Variants in THRB observed in about 807,000 individuals in gnomAD.
THRB encodes nuclear receptor subfamily 1 group A member 2.
A neutral mutation model predicts 47.8 loss-of-function variants in THRB; 12 were observed. That is an observed-to-expected ratio of 0.25 (90% CI 0.16 to 0.41). The LOEUF (loss-of-function observed/expected upper bound fraction) is 0.41. Among genes scored for constraint, THRB ranks in the 10% least tolerant of loss-of-function variants. The pLI is 1.00. For synonymous variants in THRB, 218 were observed against 212.2 expected, an observed-to-expected ratio of 1.03 and a Z score of -0.24; for missense variants, 348 against 589.2, an observed-to-expected ratio of 0.59 and a Z score of 4.24.
chr3:24,201,053 C>T (rs41435146), intron 4 of THRB, among the ~76,000 whole-genome samples: 5,494 of 152,030 alleles, frequency 0.036, 298 homozygotes, highest in African/African-American at 0.12. Context: ...TTGTCTTCTA[C>T]GTGCCTGTCT....
chr3:24,429,469 A>G (rs1235132858), intron 1 of THRB, among the ~76,000 whole-genome samples: 1 of 152,040 alleles, frequency 6.6e-6, no homozygotes, highest in African/African-American at 2.4e-5. Flanking sequence ...AATGAATTGG[A>G]CAATAGTTAA....
At chr3:24,284,975 C>G (rs1437078754) in intron 3 of THRB, among the ~76,000 whole-genome samples, 1 of 152,116 alleles carries the variant, frequency 6.6e-6, no homozygotes, top group African/African-American at 2.4e-5. Flanking sequence ...CACTTTTACA[C>G]TGTTAGTGGG....
chr3:24,430,028 C>T (rs1336133225), intron 1 of THRB: 1 of 151,922 alleles, frequency 6.6e-6, no homozygotes, highest in Non-Finnish European at 1.5e-5. Context: ...CTCTTCACTC[C>T]CATTATTCAC....
intron 1 of THRB, among the ~76,000 whole-genome samples, chr3:24,361,385 T>C (rs1281198709): frequency 1.3e-5 from 2 of 152,032 alleles, no homozygotes; most frequent in Admixed American, 1.3e-4. Flanking sequence ...CAGCCCAAAA[T>C]AGAGATTGTG....
chr3:24,400,190 A>T (rs1243068350), intron 1 of THRB, among the ~76,000 whole-genome samples: 2 of 152,082 alleles, frequency 1.3e-5, no homozygotes, highest in African/African-American at 4.8e-5. Context: ...AAATATTTAA[A>T]ATAATTCCAA....
intron 1 of THRB, among the ~76,000 whole-genome samples, chr3:24,387,207 T>C (rs1015085763): frequency 3.9e-5 from 6 of 152,248 alleles, no homozygotes; most frequent in African/African-American, 1.4e-4. Context: ...GTGATGGTTG[T>C]CTACCCAGTG....
intron 1 of THRB, among the ~76,000 whole-genome samples, chr3:24,454,153 C>G (rs960521458): frequency 8.6e-5 from 13 of 152,034 alleles, no homozygotes; most frequent in African/African-American, 3.1e-4. Flanking sequence ...GGCAAAGGAT[C>G]TGGAATATTA....
At chr3:24,481,469 G>A (rs1389525281) in intron 1 of THRB, among the ~76,000 whole-genome samples, 1 of 151,900 alleles carries the variant, frequency 6.6e-6, no homozygotes, top group Admixed American at 6.6e-5. Context: ...GTACCTGCTG[G>A]GCTTGCCTTC....
intron 1 of THRB, among the ~76,000 whole-genome samples, chr3:24,486,236 C>G (rs1697271910): frequency 6.6e-6 from 1 of 152,202 alleles, no homozygotes; most frequent in African/African-American, 2.4e-5. Context: ...CCGCAAATGC[C>G]ATAGCGTAGA....
Position 24,208,213 on chromosome 3 carries a change from G to C in THRB, c.23-17879C>G, listed in dbSNP as rs569913333. Among the ~76,000 whole-genome samples, 415 of 152,000 alleles carry C rather than the reference G, an allele frequency of 2.7e-3. 1 individual carries two copies. The highest frequency in any genetic ancestry group is 9.4e-3 in the African/African-American group (391 of 41,482). ...AAAAAAAAAGAGGACACAAACAAAT[G>C]GAAGAACATTCCATGCTCATGGGTA... On this transcript the variant is annotated intron_variant, in intron 4 of 10. Transcript: ENST00000646209.
chr3:24,293,226 G>C (rs1422785949), intron 3 of THRB, among the ~76,000 whole-genome samples: 1 of 152,186 alleles, frequency 6.6e-6, no homozygotes, highest in Non-Finnish European at 1.5e-5. Flanking sequence ...GTTGAGACGT[G>C]TTGATCATTA....
intron 5 of THRB, among the ~76,000 whole-genome samples, chr3:24,164,709 G>A (rs1444548043): frequency 6.6e-6 from 1 of 152,032 alleles, no homozygotes; most frequent in South Asian, 2.1e-4. Context: ...ACACCTACCC[G>A]CCAGAAGGAA....
chr3:24,138,091 C>G (rs1415168472), intron 8 of THRB, among the ~76,000 whole-genome samples: 1 of 152,050 alleles, frequency 6.6e-6, no homozygotes, highest in African/African-American at 2.4e-5. Flanking sequence ...AACTGGCTTT[C>G]TGCTTTGACT....
intron 1 of THRB, among the ~76,000 whole-genome samples, chr3:24,389,061 C>G (rs2066352448): frequency 1.3e-5 from 2 of 152,130 alleles, no homozygotes; most frequent in Admixed American, 1.3e-4. Context: ...GACTGTGTGA[C>G]TATTTGGATG....
intron 6 of THRB, among the ~76,000 whole-genome samples, chr3:24,149,351 T>G (rs967063336): frequency 1.3e-5 from 2 of 152,148 alleles, no homozygotes; most frequent in African/African-American, 2.4e-5. Flanking sequence ...CTATCTGAAG[T>G]TGGGGAGACC....
At position 24,190,122 on chromosome 3, in the gene THRB, T is replaced by C. The variant is rs933999524; in HGVS notation, c.235A>G (p.Ser79Gly). ...TGGAAGGTCTGGGCACTTGAGACAC[T>C]CTGGTCGTTCACATCATCATGGTCC... ...HLDHDDVNDQ[S>G]VSSAQTFQTE... The change falls in exon 5 of 11, where the codon AGT becomes GGT. Residue 79 changes from serine to glycine, a missense_variant. Physicochemically the swap from Ser to Gly is moderately conservative, Grantham distance 56. Coordinates refer to ENST00000646209, the MANE Select transcript of THRB (RefSeq NM_001354712.2). 3 of 1,614,082 alleles carry C rather than the reference T, an allele frequency of 1.9e-6. No individual in the cohort carries two copies. The highest frequency in any genetic ancestry group is 1.6e-4 in the Middle Eastern group (1 of 6,062).
At chr3:24,434,408 A>G (rs188053672) in intron 1 of THRB, among the ~76,000 whole-genome samples, 46 of 152,304 alleles carry the variant, frequency 3.0e-4, no homozygotes, top group African/African-American at 1.1e-3. Flanking sequence ...TTGTTGCTAA[A>G]GGTGTAGATA....
chr3:24,273,826 C>G (rs909386309), intron 3 of THRB, among the ~76,000 whole-genome samples: 18 of 138,616 alleles, frequency 1.3e-4, no homozygotes, highest in Non-Finnish European at 1.2e-4. Flanking sequence ...GCAAACAAAA[C>G]TGAATTATTT....
At chr3:24,185,065 A>T (rs566071697) in intron 5 of THRB, among the ~76,000 whole-genome samples, 42 of 152,090 alleles carry the variant, frequency 2.8e-4, no homozygotes, top group African/African-American at 7.5e-4. Flanking sequence ...GATTTGATTC[A>T]TTTTTTTTGT....
Sources: gnomAD v4.1 joint callset for allele counts (sites outside exome capture counted in the v4.1 genomes callset) on GRCh38, gnomAD v4.1.1 for gene constraint, MANE v1.5 for transcripts, NCBI Gene and HGNC (gene_info 2026-07-23, HGNC 2026-07-21) for gene names.